MCU: variants seen among roughly 807,000 people sequenced by gnomAD.
MCU encodes calcium uniporter protein, mitochondrial.
In MCU, 12 loss-of-function variants were observed where a neutral mutation model predicts 45.2. That is an observed-to-expected ratio of 0.27 (90% CI 0.17 to 0.43). The LOEUF is 0.43. Among genes scored for constraint, MCU ranks in the 20% least tolerant of loss-of-function variants. The probability of loss-of-function intolerance (pLI) is 1.00; values close to 1 mark genes in which losing one functional copy is unlikely to be tolerated. For missense variants in MCU, 324 were observed against 436.7 expected, an observed-to-expected ratio of 0.74 and a Z score of 2.30; for synonymous variants, 160 against 165.1, an observed-to-expected ratio of 0.97 and a Z score of 0.24.
rs1478830068 is a variant in MCU, at chr10:72,884,386, A to G, written c.978+4A>G. 6.5e-7 allele frequency: 1 copy of G among 1,533,862 alleles called. No individual in the cohort carries two copies. The highest frequency in any genetic ancestry group is 9.0e-7 in the Non-Finnish European group (1 of 1,108,274). On this transcript the variant is annotated splice_donor_region_variant and intron_variant, in intron 7 of 7. Transcript: ENST00000373053. ...ACTCAAGGATGCAATTGCTCAGGTA[A>G]GTTTTACAAAAATTAAAATAAATCC...
chr10:72,871,355 T>C (rs375923662), intron 5 of MCU, 22 bp from the exon 6 acceptor site: 1 of 1,611,620 alleles, frequency 6.2e-7, no homozygotes, highest in Non-Finnish European at 8.5e-7. Context: ...CAAAATGCCT[T>C]ATGATTATGT....
At chr10:72,760,556 G>T (rs1007933344) in intron 1 of MCU, 4 of 150,892 alleles carry the variant, frequency 2.7e-5, no homozygotes, top group African/African-American at 4.9e-5. Flanking sequence ...TTTAGAGAGG[G>T]TCTCACCCCG....
At chr10:72,779,766 G>A (rs1027238126) in intron 1 of MCU, among the ~76,000 whole-genome samples, 2 of 152,104 alleles carry the variant, frequency 1.3e-5, no homozygotes, top group East Asian at 1.9e-4. Flanking sequence ...ATAATAATGC[G>A]ACAGAAAATA....
At chr10:72,712,630 G>A (rs566259841) in intron 1 of MCU, among the ~76,000 whole-genome samples, 1 of 152,210 alleles carries the variant, frequency 6.6e-6, no homozygotes, top group South Asian at 2.1e-4. Context: ...TGGTTTTATG[G>A]GGCAAGCAAA....
intron 1 of MCU, among the ~76,000 whole-genome samples, chr10:72,748,282 A>G (rs1480096181): frequency 6.6e-6 from 1 of 152,242 alleles, no homozygotes; most frequent in Admixed American, 6.5e-5. Flanking sequence ...TCCTGACTTC[A>G]GGTGATCCGC....
At chr10:72,692,889 G>T in intron 1 of MCU, 1 of 1,471,790 alleles carries the variant, frequency 6.8e-7, no homozygotes, top group Non-Finnish European at 9.0e-7. Flanking sequence ...TCCTCTGTGT[G>T]TGTGCATGGG....
intron 1 of MCU, among the ~76,000 whole-genome samples, chr10:72,805,101 C>CCCTTTCTTTCTT (rs1554824916): frequency 8.7e-5 from 9 of 103,454 alleles, no homozygotes; most frequent in African/African-American, 3.9e-4. Flanking sequence ...TTCTTTCTTT[C>CCCTTTCTTTCTT]TCTTTCTTTC....
At chr10:72,865,333 A>T (rs1845436672) in intron 4 of MCU, among the ~76,000 whole-genome samples, 1 of 152,208 alleles carries the variant, frequency 6.6e-6, no homozygotes, top group East Asian at 1.9e-4. Flanking sequence ...TCTGTAATTC[A>T]TGGAAATAAT....
chr10:72,758,145 GA>G (rs1242523540), intron 1 of MCU, among the ~76,000 whole-genome samples: 2 of 152,180 alleles, frequency 1.3e-5, no homozygotes, highest in African/African-American at 2.4e-5. Context: ...TCTTTAGGTA[GA>G]AAAGCAGGAG....
chr10:72,852,549 ACTGTGATGC>A (rs1358420149), intron 2 of MCU, among the ~76,000 whole-genome samples: 2 of 152,230 alleles, frequency 1.3e-5, no homozygotes, highest in Admixed American at 1.3e-4. Context: ...GGCACACAGG[ACTGTGATGC>A]CTGAGATAAG....
intron 1 of MCU, among the ~76,000 whole-genome samples, chr10:72,781,171 T>A (rs1564554893): frequency 6.6e-6 from 1 of 152,234 alleles, no homozygotes; most frequent in Non-Finnish European, 1.5e-5. Flanking sequence ...GTGTTGTTAC[T>A]GGTAATCAGG....
intron 1 of MCU, among the ~76,000 whole-genome samples, chr10:72,702,362 T>C (rs748135220): frequency 5.9e-5 from 9 of 152,204 alleles, no homozygotes; most frequent in African/African-American, 9.6e-5. Flanking sequence ...CATTCTCTAG[T>C]GTACTCTACA....
At chr10:72,880,234 A>G (rs1328217194) in intron 6 of MCU, among the ~76,000 whole-genome samples, 1 of 152,208 alleles carries the variant, frequency 6.6e-6, no homozygotes, top group Non-Finnish European at 1.5e-5. Flanking sequence ...GAAAGATACA[A>G]AGATTGGAAA....
At position 72,805,059 on chromosome 10, in the gene MCU, C is replaced by T. The variant is rs143604592; in HGVS notation, c.151-29300C>T. Among the ~76,000 whole-genome samples, 310 of 152,124 alleles carry T rather than the reference C, an allele frequency of 2.0e-3. 1 individual carries two copies. The highest frequency in any genetic ancestry group is 6.7e-3 in the African/African-American group (277 of 41,486). The stretch of plus-strand genomic sequence containing the variant: ...TTGTGGAATTACAGGCATGAGCCAC[C>T]TCACCTGGCCCTAGTTTGTTTCTTT... On this transcript the variant is annotated intron_variant, in intron 1 of 7. Transcript: ENST00000373053.
At chr10:72,820,195 A>G (rs1844689610) in intron 1 of MCU, among the ~76,000 whole-genome samples, 1 of 152,134 alleles carries the variant, frequency 6.6e-6, no homozygotes, top group South Asian at 2.1e-4. Flanking sequence ...TGTTTTTGTC[A>G]TTATCGTTTG....
intron 1 of MCU, among the ~76,000 whole-genome samples, chr10:72,822,913 G>A (rs898922913): frequency 2.6e-5 from 4 of 152,132 alleles, no homozygotes; most frequent in East Asian, 1.9e-4. Context: ...AAATGTAAAT[G>A]TAATGTAAAA....
rs151108322 is a variant in MCU at position 72,881,013 on chromosome 10, C to T, written c.862-3253C>T. Among the ~76,000 whole-genome samples, 20 of 152,186 alleles carry T rather than the reference C, an allele frequency of 1.3e-4. No individual in the cohort carries two copies. In the South Asian group the frequency reaches 3.1e-3, roughly 24 times the overall value. Reference sequence around the variant, plus strand: ...GTGTGGTGTCGTGCACCTGTAGGTACGAGCTACTCAGGAAGCCAAGGTAGG... The same window carrying T: ...GTGTGGTGTCGTGCACCTGTAGGTATGAGCTACTCAGGAAGCCAAGGTAGG... On this transcript the variant is annotated intron_variant, in intron 6 of 7. Coordinates refer to ENST00000373053, the MANE Select transcript of MCU (RefSeq NM_138357.3).
intron 1 of MCU, among the ~76,000 whole-genome samples, chr10:72,786,019 G>A (rs1467250990): frequency 6.6e-6 from 1 of 152,200 alleles, no homozygotes; most frequent in Non-Finnish European, 1.5e-5. Context: ...AATAGGGACT[G>A]AACAAGCACT....
At chr10:72,882,431 C>G (rs182687004) in intron 6 of MCU, among the ~76,000 whole-genome samples, 1,740 of 152,268 alleles carry the variant, frequency 0.011, 18 homozygotes, top group East Asian at 0.047. Context: ...TCGCTGAATT[C>G]TTTTTCTCAG....
Sources: gnomAD v4.1 joint callset for allele counts (sites outside exome capture counted in the v4.1 genomes callset) on GRCh38, gnomAD v4.1.1 for gene constraint, MANE v1.5 for transcripts, NCBI Gene and HGNC (gene_info 2026-07-23, HGNC 2026-07-21) for gene names.